PCDH9: variants seen among roughly 807,000 people sequenced by gnomAD.
PCDH9 encodes the protein protocadherin-9.
A neutral mutation model predicts 70.6 loss-of-function variants in PCDH9; 24 were observed. That is an observed-to-expected ratio of 0.34 (90% confidence interval 0.25 to 0.48). PCDH9 has a LOEUF of 0.48. Ranked by LOEUF, PCDH9 falls within the 20% of genes least tolerant of loss-of-function variation. The probability of loss-of-function intolerance (pLI) is 0.99; values close to 1 mark genes in which losing one functional copy is unlikely to be tolerated. For missense variants in PCDH9, 1,281 were observed against 1,503.6 expected, an observed-to-expected ratio of 0.85 and a Z score of 2.45; for synonymous variants, 562 against 558.5, an observed-to-expected ratio of 1.01 and a Z score of -0.09.
intron 3 of PCDH9, among the ~76,000 whole-genome samples, chr13:66,788,741 C>G (rs1166981474): frequency 7.0e-6 from 1 of 142,988 alleles, no homozygotes; most frequent in Non-Finnish European, 1.5e-5. Flanking sequence ...CAAAAAAAAT[C>G]CAAACAAACT....
intron 4 of PCDH9, among the ~76,000 whole-genome samples, chr13:66,450,117 A>G (rs1374948625): frequency 2.0e-5 from 3 of 152,138 alleles, no homozygotes; most frequent in Non-Finnish European, 2.9e-5. Flanking sequence ...AGACAACTAC[A>G]TCTTACCCTA....
intron 2 of PCDH9, among the ~76,000 whole-genome samples, chr13:67,180,337 AT>A (rs559327317): frequency 1.1e-3 from 168 of 147,548 alleles, no homozygotes; most frequent in African/African-American, 1.9e-3. Flanking sequence ...AATTTTGAGG[AT>A]TTTTTTTTTT....
At chr13:66,639,748 CAG>C (rs2077684941) in intron 3 of PCDH9, among the ~76,000 whole-genome samples, 3 of 152,152 alleles carry the variant, frequency 2.0e-5, no homozygotes, top group Non-Finnish European at 4.4e-5. Context: ...TAAGTCTCCT[CAG>C]GGGTTCAAAG....
chr13:66,972,228 GA>G (rs1449384616), intron 2 of PCDH9, among the ~76,000 whole-genome samples: 2 of 151,808 alleles, frequency 1.3e-5, no homozygotes, highest in African/African-American at 4.8e-5. Context: ...ATTAGACATA[GA>G]ATTACTGAAA....
chr13:66,769,430 A>G (rs2079769168), intron 3 of PCDH9, among the ~76,000 whole-genome samples: 1 of 152,002 alleles, frequency 6.6e-6, no homozygotes, highest in Non-Finnish European at 1.5e-5. Flanking sequence ...AGAAAAATTA[A>G]TATTTGGGAA....
chr13:66,733,609 A>G (rs1232102280), intron 3 of PCDH9, among the ~76,000 whole-genome samples: 1 of 151,976 alleles, frequency 6.6e-6, no homozygotes, highest in East Asian at 1.9e-4. Flanking sequence ...TGGCATCCAA[A>G]CATTTATTGG....
chr13:66,349,087 G>A (rs1956255970), intron 4 of PCDH9, among the ~76,000 whole-genome samples: 1 of 152,126 alleles, frequency 6.6e-6, no homozygotes, highest in Admixed American at 6.5e-5. Context: ...AACTGCAGTG[G>A]TGCAATTCTG....
At chr13:66,777,243 C>G (rs1231607809) in intron 3 of PCDH9, among the ~76,000 whole-genome samples, 1 of 151,978 alleles carries the variant, frequency 6.6e-6, no homozygotes, top group East Asian at 1.9e-4. Context: ...GTCTAAAACA[C>G]CAAAAGTAAT....
intron 2 of PCDH9, among the ~76,000 whole-genome samples, chr13:67,105,805 TTAAGTA>T (rs2086528006): frequency 1.3e-5 from 2 of 152,014 alleles, no homozygotes; most frequent in African/African-American, 4.8e-5. Context: ...ATCAATGTAT[TTAAGTA>T]TATCAGATAG....
chr13:66,890,448 CTTTTTTTTTTT>C (rs36076373), intron 3 of PCDH9, among the ~76,000 whole-genome samples: 3,498 of 100,558 alleles, frequency 0.035, 136 homozygotes, highest in African/African-American at 0.11. Flanking sequence ...GACTTCTGAA[CTTTTTTTTTTT>C]TTTTTTTTTT....
rs1055320505 is a variant in PCDH9 at position 67,208,731 on chromosome 13, G to A, written c.3036+16674C>T. ...GTTTGAATATGACAGAAAAGCAGCA[G>A]GAGCTGCCAATACAGAAGGCTTTAC... On this transcript the variant is annotated intron_variant, in intron 2 of 4. Transcript: ENST00000377865. The A allele has an allele frequency of 1.6e-4, 25 of 152,296 alleles. No homozygotes were observed. In the Middle Eastern group the frequency reaches 0.01, roughly 62 times the overall value. 9.4% of individuals were successfully genotyped at this position (152,296 alleles called of 1,614,324 possible). A position where few individuals can be genotyped will look rare whatever the true frequency, so the allele number is the denominator to read the frequency against.
chr13:66,401,629 C>G (rs919627603), intron 4 of PCDH9, among the ~76,000 whole-genome samples: 1 of 152,088 alleles, frequency 6.6e-6, no homozygotes, highest in Non-Finnish European at 1.5e-5. Context: ...CCTCACTAAC[C>G]GAGATCCCTT....
Position 66,526,135 on chromosome 13 carries a change from C to T in PCDH9, c.3340+105075G>A, listed in dbSNP as rs75839636. Among the ~76,000 whole-genome samples, 922 of 152,122 alleles carry T rather than the reference C, an allele frequency of 6.1e-3. 8 individuals carry two copies. Among genetic ancestry groups the T allele is most frequent in the African/African-American group, 0.02 (816 of 41,512 alleles). Reference sequence around the variant, plus strand: ...ATAAATATTAGTTTTGTGTGTAAAACGAAGTTTCCATTTCTATCAGGAAGG... The same window carrying T: ...ATAAATATTAGTTTTGTGTGTAAAATGAAGTTTCCATTTCTATCAGGAAGG... On this transcript the variant is annotated intron_variant, in intron 4 of 4. Transcript: ENST00000377865.
At chr13:66,922,264 T>C (rs2082648786) in intron 2 of PCDH9, among the ~76,000 whole-genome samples, 1 of 151,386 alleles carries the variant, frequency 6.6e-6, no homozygotes. Context: ...TTTGATATTA[T>C]ATAAAATACA....
intron 4 of PCDH9, among the ~76,000 whole-genome samples, chr13:66,618,522 CTAAAGA>C (rs1344405496): frequency 6.6e-5 from 10 of 151,940 alleles, no homozygotes; most frequent in African/African-American, 1.9e-4. Flanking sequence ...TTGTATGTAT[CTAAAGA>C]TAAAGATATT....
intron 3 of PCDH9, among the ~76,000 whole-genome samples, chr13:66,837,083 C>T (rs2081034684): frequency 6.6e-6 from 1 of 152,174 alleles, no homozygotes; most frequent in African/African-American, 2.4e-5. Flanking sequence ...TATGTTCTCA[C>T]GCATGGATGG....
At chr13:67,156,096 G>A (rs1004381931) in intron 2 of PCDH9, among the ~76,000 whole-genome samples, 76 of 152,006 alleles carry the variant, frequency 5.0e-4, no homozygotes, top group Non-Finnish European at 8.4e-4. Context: ...GGTAGAGGAA[G>A]GGTGTGGTCC....
rs1352180859 is a variant in PCDH9, at chr13:66,357,724, T to TTTGA, written c.3341-52700_3341-52697dup. Among the ~76,000 whole-genome samples, 6 of 152,210 alleles carry TTTGA rather than the reference T, an allele frequency of 3.9e-5. No homozygotes were observed. In the East Asian group the frequency reaches 9.6e-4, roughly 24 times the overall value. Reference sequence around the variant, plus strand: ...GAATAACAATTATGATCAATGTTTCTTTGATTGCCAAGGATATGCCTTGAT... The same window carrying TTTGA: ...GAATAACAATTATGATCAATGTTTCTTTGATTGATTGCCAAGGATATGCCTTGAT... On this transcript the variant is annotated intron_variant, in intron 4 of 4. Coordinates refer to ENST00000377865, the MANE Select transcript of PCDH9 (RefSeq NM_203487.3).
At chr13:67,049,304 G>T (rs1175375029) in intron 2 of PCDH9, among the ~76,000 whole-genome samples, 2 of 152,138 alleles carry the variant, frequency 1.3e-5, no homozygotes, top group African/African-American at 2.4e-5. Context: ...GTTTTATGAG[G>T]ATGTATTAAG....
Sources: allele counts gnomAD v4.1 joint callset (sites outside exome capture counted in the v4.1 genomes callset), GRCh38; gene constraint gnomAD v4.1.1; transcripts MANE v1.5; gene names NCBI Gene and HGNC (gene_info 2026-07-23, HGNC 2026-07-21).